Variants in THRB observed in about 807,000 individuals in gnomAD.
THRB encodes the protein nuclear receptor subfamily 1 group A member 2.
Under a neutral mutation model 47.8 loss-of-function variants are expected in THRB, and 12 were observed. The observed-to-expected ratio is 0.25, with a 90% CI of 0.16 to 0.41. The LOEUF is 0.41. THRB is among the 10% of genes least tolerant of loss of function. THRB has a pLI of 1.00. For synonymous variants in THRB, 218 were observed against 212.2 expected (o/e 1.03, Z -0.24); for missense variants, 348 against 589.2 (o/e 0.59, Z 4.24).
intron 2 of THRB, among the ~76,000 whole-genome samples, chr3:24,300,308 C>A (rs1180567341): frequency 1.3e-5 from 2 of 152,224 alleles, no homozygotes; most frequent in East Asian, 3.9e-4. Flanking sequence ...TGGATTCTTG[C>A]ATGATCTACC....
intron 3 of THRB, among the ~76,000 whole-genome samples, chr3:24,265,306 C>CT (rs34883659): frequency 0.24 from 36,955 of 152,046 alleles, 4,583 homozygotes; most frequent in South Asian, 0.35. Flanking sequence ...ACTTTGAACT[C>CT]TGAAGAAAAA....
chr3:24,229,730 G>A (rs1035874495), intron 3 of THRB, among the ~76,000 whole-genome samples: 1 of 152,206 alleles, frequency 6.6e-6, no homozygotes, highest in Admixed American at 6.5e-5. Context: ...GGTGGGTGAT[G>A]AACCTGGGTC....
intron 3 of THRB, among the ~76,000 whole-genome samples, chr3:24,239,495 T>G (rs2049257567): frequency 6.6e-6 from 1 of 152,070 alleles, no homozygotes; most frequent in African/African-American, 2.4e-5. Flanking sequence ...TCATTATTAT[T>G]ATTTGATGGA....
At chr3:24,429,003 A>G (rs2070085909) in intron 1 of THRB, among the ~76,000 whole-genome samples, 1 of 151,920 alleles carries the variant, frequency 6.6e-6, no homozygotes, top group Admixed American at 6.6e-5. Context: ...TTTGATATAT[A>G]AGAAAATTAA....
At chr3:24,383,066 G>A (rs926463340) in intron 1 of THRB, among the ~76,000 whole-genome samples, 5 of 152,128 alleles carry the variant, frequency 3.3e-5, no homozygotes, top group South Asian at 2.1e-4. Flanking sequence ...AGAAACTCAC[G>A]TACTCTTTTA....
intron 5 of THRB, among the ~76,000 whole-genome samples, chr3:24,184,780 G>C (rs182383617): frequency 4.5e-4 from 68 of 152,306 alleles, no homozygotes; most frequent in African/African-American, 1.5e-3. Context: ...TATGATGAGT[G>C]GGGCAGAGTA....
chr3:24,437,171 ATG>A (rs2071051700), intron 1 of THRB, among the ~76,000 whole-genome samples: 1 of 148,996 alleles, frequency 6.7e-6, no homozygotes, highest in Non-Finnish European at 1.5e-5. Context: ...ATATAACGAA[ATG>A]TATATATATA....
At chr3:24,252,084 G>C (rs1279296733) in intron 3 of THRB, among the ~76,000 whole-genome samples, 1 of 152,056 alleles carries the variant, frequency 6.6e-6, no homozygotes. Context: ...ACGCTAAAAT[G>C]GTATGTGATA....
chr3:24,250,583 C>T (rs2050565709), intron 3 of THRB, among the ~76,000 whole-genome samples: 1 of 152,104 alleles, frequency 6.6e-6, no homozygotes, highest in Non-Finnish European at 1.5e-5. Context: ...CACCTATAGT[C>T]TCAGCTACAG....
At chr3:24,272,565 T>C (rs2053466562) in intron 3 of THRB, among the ~76,000 whole-genome samples, 2 of 152,186 alleles carry the variant, frequency 1.3e-5, no homozygotes, top group Non-Finnish European at 1.5e-5. Flanking sequence ...TGATACTACC[T>C]TACCCTTATT....
chr3:24,310,788 T>C (rs1351334970), intron 2 of THRB, among the ~76,000 whole-genome samples: 1 of 152,148 alleles, frequency 6.6e-6, no homozygotes. Context: ...TGCTGTTAAA[T>C]ACCCTACAAT....
chr3:24,374,198 G>T (rs1415541743), intron 1 of THRB, among the ~76,000 whole-genome samples: 1 of 152,088 alleles, frequency 6.6e-6, no homozygotes, highest in African/African-American at 2.4e-5. Flanking sequence ...AAGTGGTGTA[G>T]ATTTAGTTTG....
intron 2 of THRB, among the ~76,000 whole-genome samples, chr3:24,315,224 G>C (rs948670695): frequency 8.5e-5 from 13 of 152,168 alleles, no homozygotes; most frequent in African/African-American, 2.7e-4. Context: ...TTCACACACA[G>C]AGCATCACGG....
intron 1 of THRB, among the ~76,000 whole-genome samples, chr3:24,390,797 A>AATATATATATAT (rs1553743105): frequency 7.3e-6 from 1 of 137,852 alleles, no homozygotes; most frequent in African/African-American, 2.7e-5. Flanking sequence ...AAAAAAAAAA[A>AATATATATATAT]ATATATATAT....
At chr3:24,379,470 A>G (rs1177184143) in intron 1 of THRB, among the ~76,000 whole-genome samples, 1 of 152,162 alleles carries the variant, frequency 6.6e-6, no homozygotes, top group South Asian at 2.1e-4. Flanking sequence ...TGCTCAAAGT[A>G]GAAAAGTTTT....
At chr3:24,319,909 G>A (rs1267954184) in intron 2 of THRB, among the ~76,000 whole-genome samples, 1 of 152,166 alleles carries the variant, frequency 6.6e-6, no homozygotes, top group African/African-American at 2.4e-5. Context: ...CAGCATTATG[G>A]CAAACTCAGT....
intron 2 of THRB, among the ~76,000 whole-genome samples, chr3:24,307,734 C>T (rs1343031581): frequency 6.6e-6 from 1 of 152,174 alleles, no homozygotes; most frequent in East Asian, 1.9e-4. Context: ...ATTGATATGA[C>T]TGCAAATTGC....
intron 1 of THRB, among the ~76,000 whole-genome samples, chr3:24,354,949 A>G (rs73043736): frequency 0.047 from 7,195 of 152,252 alleles, 226 homozygotes; most frequent in Middle Eastern, 0.092. Context: ...CTCAAGGCAG[A>G]ATGGATATTA....
rs2045689158 is a variant in THRB at position 24,208,802 on chromosome 3, G to A, written c.23-18468C>T. ...ACATAGGCATGGGCAAGGACTTCAT[G>A]TCTAAAACACCAAAAGCAACAAAAG... On this transcript the variant is annotated intron_variant, in intron 4 of 10. Coordinates refer to ENST00000646209, the MANE Select transcript of THRB (RefSeq NM_001354712.2). 2.6e-5 allele frequency among the ~76,000 whole-genome samples: 4 copies of A among 151,854 alleles called. No individual in the cohort carries two copies. In the South Asian group the frequency reaches 8.4e-4, roughly 32 times the overall value.
Sources: allele counts gnomAD v4.1 joint callset (sites outside exome capture counted in the v4.1 genomes callset), GRCh38; gene constraint gnomAD v4.1.1; transcripts MANE v1.5; gene names NCBI Gene and HGNC (gene_info 2026-07-23, HGNC 2026-07-21).